The following ACAT2 variants were observed in gnomAD, a reference collection of about 807,000 sequenced individuals.
The protein encoded by ACAT2 is acetyl-CoA acetyltransferase 2.
Under a neutral mutation model 37.1 loss-of-function variants are expected in ACAT2, and 26 were observed. That is an observed-to-expected ratio of 0.70 (90% CI 0.51 to 0.97). The LOEUF is 0.97. Ranked by LOEUF, ACAT2 falls within the 50% of genes least tolerant of loss-of-function variation. The pLI is 0.00. For synonymous variants in ACAT2, 156 were observed against 163.6 expected (o/e 0.95, Z 0.35); for missense variants, 468 against 489.0 (o/e 0.96, Z 0.40).
rs146650797 is a variant in ACAT2, at chr6:159,772,846, G to A, written c.491-2324G>A. Among the ~76,000 whole-genome samples the A allele has an allele frequency of 3.7e-4, 56 of 151,986 alleles. 1 individual carries two copies. The highest frequency in any genetic ancestry group is 1.3e-3 in the African/African-American group (55 of 41,452). ...AAAAGAAAGAAAAACAGCTTGATAA[G>A]TAAAGACAAGACATAGAAAGCAAAG... On this transcript the variant is annotated intron_variant, in intron 4 of 8. Coordinates refer to ENST00000367048, the MANE Select transcript of ACAT2 (RefSeq NM_005891.3).
intron 5 of ACAT2, chr6:159,775,534 C>T (rs565169497): frequency 6.4e-5 from 32 of 497,236 alleles, no homozygotes; most frequent in Admixed American, 2.8e-4. Flanking sequence ...GGTTCCAGAG[C>T]GTCCATGACC....
chr6:159,774,697 T>C (rs1460128975), intron 4 of ACAT2, among the ~76,000 whole-genome samples: 1 of 152,208 alleles, frequency 6.6e-6, no homozygotes, highest in Non-Finnish European at 1.5e-5. Flanking sequence ...CACCTCGGCC[T>C]CCCAAAATGC....
Position 159,778,457 on chromosome 6 carries a change from GCTTA to G in ACAT2, c.1023+181_1023+184del, listed in dbSNP as rs1780482471. ...AAAAAAAAAAAAAAAAAAGACATTG[GCTTA>G]CTTGGCATAAAAGGAACGAGGTAAG... On this transcript the variant is annotated intron_variant, in intron 8 of 8. Coordinates refer to ENST00000367048, the MANE Select transcript of ACAT2 (RefSeq NM_005891.3). The G allele has an allele frequency of 4.2e-5, 29 of 685,170 alleles. No individual in the cohort carries two copies. The South Asian group carries it at 6.7e-4, about 16-fold the overall frequency. 42.4% of individuals were successfully genotyped at this position (685,170 alleles called of 1,614,324 possible). A position where few individuals can be genotyped will look rare whatever the true frequency, so the allele number is the denominator to read the frequency against.
rs1162214335 is a variant in ACAT2, at chr6:159,778,424, TAAAAAAAAAA to T, written c.1023+160_1023+169del. ...ACTGAGTTCATTACTTCCCAAGGTT[TAAAAAAAAAA>T]AAAAAAAAAAAAAAAGACATTGGCT... On this transcript the variant is annotated intron_variant, in intron 8 of 8. Coordinates refer to ENST00000367048, the MANE Select transcript of ACAT2 (RefSeq NM_005891.3). The T allele has an allele frequency of 1.2e-4, 11 of 91,382 alleles. No homozygotes were observed. The South Asian group carries it at 2.2e-3, about 19-fold the overall frequency. 5.7% of individuals were successfully genotyped at this position (91,382 alleles called of 1,614,324 possible). A position where few individuals can be genotyped will look rare whatever the true frequency, so the allele number is the denominator to read the frequency against.
chr6:159,762,490 C>T (rs1780163674), intron 1 of ACAT2: 6 of 1,304,600 alleles, frequency 4.6e-6, no homozygotes, highest in African/African-American at 1.5e-5. Flanking sequence ...GTAATGCCTG[C>T]GGCAGGGGCG....
rs904800602 is a variant in ACAT2 at position 159,775,422 on chromosome 6, A to G, written c.634+109A>G. Reference sequence around the variant, plus strand: ...AAATTATATCTTAGTTATGTTTTTCAGGTTGCAAATATATGTCCTGGATAC... The same window carrying G: ...AAATTATATCTTAGTTATGTTTTTCGGGTTGCAAATATATGTCCTGGATAC... On this transcript the variant is annotated intron_variant, in intron 5 of 8. Coordinates refer to ENST00000367048, the MANE Select transcript of ACAT2 (RefSeq NM_005891.3). 13 of 1,351,610 alleles carry G rather than the reference A, an allele frequency of 9.6e-6. No homozygotes were observed. In the African/African-American group the frequency reaches 1.6e-4, roughly 17 times the overall value. 83.7% of individuals were successfully genotyped at this position (1,351,610 alleles called of 1,614,324 possible). A position where few individuals can be genotyped will look rare whatever the true frequency, so the allele number is the denominator to read the frequency against.
intron 4 of ACAT2, among the ~76,000 whole-genome samples, chr6:159,771,836 G>A (rs2114981276): frequency 6.6e-6 from 1 of 152,136 alleles, no homozygotes; most frequent in South Asian, 2.1e-4. Flanking sequence ...TCTAGCCTGG[G>A]CAATGCTATC....
intron 4 of ACAT2, among the ~76,000 whole-genome samples, chr6:159,770,851 G>A (rs1318048676): frequency 6.6e-6 from 1 of 152,138 alleles, no homozygotes; most frequent in Non-Finnish European, 1.5e-5. Flanking sequence ...GATCATCTGA[G>A]GTCAGGAGTT....
chr6:159,764,587 G>A (rs181978856), intron 2 of ACAT2, among the ~76,000 whole-genome samples: 20 of 152,248 alleles, frequency 1.3e-4, no homozygotes, highest in Admixed American at 7.8e-4. Context: ...TGGGATTACA[G>A]GAGCAGGCCA....
At chr6:159,775,363 A>G in intron 5 of ACAT2, 50 bp downstream of exon 5, 1 of 1,579,998 alleles carries the variant, frequency 6.3e-7, no homozygotes, top group South Asian at 1.1e-5. Context: ...AGGTAAGAGT[A>G]ACATCTAAAA....
Position 159,778,996 on chromosome 6 carries a change from G to A in ACAT2, c.*167G>A. 6.3e-7 allele frequency: 1 copy of A among 1,588,180 alleles called. No homozygotes were observed. The highest frequency in any genetic ancestry group is 8.6e-7 in the Non-Finnish European group (1 of 1,161,620). On this transcript the variant is annotated 3_prime_UTR_variant, in exon 9 of 9. Transcript: ENST00000367048. Reference sequence around the variant, plus strand: ...TTTAATGTGTAATACTCAACTCAAGGTACAAGACAATTGCATTTAACATTG... The same window carrying A: ...TTTAATGTGTAATACTCAACTCAAGATACAAGACAATTGCATTTAACATTG...
intron 2 of ACAT2, among the ~76,000 whole-genome samples, chr6:159,765,690 C>T (rs1029280006): frequency 1.3e-5 from 2 of 152,058 alleles, no homozygotes; most frequent in African/African-American, 2.4e-5. Context: ...CCTCCCCCGG[C>T]CTCCCAAAGT....
At chr6:159,766,954 AT>A (rs2114977803) in intron 2 of ACAT2, 50 bp from the exon 3 acceptor site, 1 of 1,605,372 alleles carries the variant, frequency 6.2e-7, no homozygotes, top group East Asian at 2.2e-5. Flanking sequence ...TCACTGTGAC[AT>A]TTTGTCTTTC....
At chr6:159,777,240 G>A in intron 6 of ACAT2, 62 bp from the exon 7 acceptor site, 1 of 1,545,062 alleles carries the variant, frequency 6.5e-7, no homozygotes, top group South Asian at 1.2e-5. Context: ...TGGTAAAGAA[G>A]CCACAGATAT....
chr6:159,778,692 C>T lies in ACAT2; in HGVS notation c.1057C>T (p.His353Tyr). Reference sequence around the variant, plus strand: ...TGAAGGAGGGGCTATAGCCTTGGGCCACCCTCTTGGAGCATCTGGCTGTCG... The same window carrying T: ...TGAAGGAGGGGCTATAGCCTTGGGCTACCCTCTTGGAGCATCTGGCTGTCG... ...NIEGGAIALG[H>Y]PLGASGCRIL... The change falls in exon 9 of 9, where the codon CAC becomes TAC. Residue 353 changes from histidine to tyrosine, a missense_variant. His to Tyr is a moderately conservative substitution (Grantham distance 83, BLOSUM62 2). Transcript: ENST00000367048. 2 of 1,614,206 alleles carry T rather than the reference C, an allele frequency of 1.2e-6. No individual in the cohort carries two copies. Among genetic ancestry groups the T allele is most frequent in the Non-Finnish European group, 1.7e-6 (2 of 1,180,038 alleles).
chr6:159,774,127 T>C lies in ACAT2; in HGVS notation c.491-1043T>C, dbSNP rs75136926. On this transcript the variant is annotated intron_variant, in intron 4 of 8. Coordinates refer to ENST00000367048, the MANE Select transcript of ACAT2 (RefSeq NM_005891.3). ...TCATTTGTGTCCTAATAAGACTCACTGAGAAAAATCATACTATCATTCAGT... is the reference window on the plus strand; with the variant it reads ...TCATTTGTGTCCTAATAAGACTCACCGAGAAAAATCATACTATCATTCAGT... 5.2e-3 allele frequency among the ~76,000 whole-genome samples: 799 copies of C among 152,340 alleles called. 5 individuals carry two copies. The highest frequency in any genetic ancestry group is 0.018 in the African/African-American group (756 of 41,576).
intron 4 of ACAT2, among the ~76,000 whole-genome samples, chr6:159,771,375 C>T (rs534254433): frequency 2.0e-5 from 3 of 152,030 alleles, no homozygotes; most frequent in South Asian, 4.2e-4. Context: ...AATGAAACTC[C>T]GTCTCAAAAA....
intron 2 of ACAT2, among the ~76,000 whole-genome samples, chr6:159,765,440 T>C (rs143033808): frequency 0.015 from 2,286 of 150,046 alleles, 57 homozygotes; most frequent in African/African-American, 0.053. Flanking sequence ...TTCTTTTTCT[T>C]TTTTTTGAGA....
Position 159,762,139 on chromosome 6 carries a change from A to G in ACAT2, c.52A>G (p.Ile18Val), listed in dbSNP as rs1159348058. ...VVIVSAARTI[I>V]GSFNGALAAV... ...CATCGTCTCGGCGGCGCGGACCATC[A>G]TAGGTGAGTGGCCGGCGGGAGCCGC... The change falls in exon 1 of 9, where the codon ATA becomes GTA. Residue 18 changes from isoleucine to valine, a missense_variant. Coordinates refer to ENST00000367048, the MANE Select transcript of ACAT2 (RefSeq NM_005891.3). The G allele has an allele frequency of 6.2e-7, 1 of 1,611,648 alleles. No homozygotes were observed. The highest frequency in any genetic ancestry group is 1.3e-5 in the African/African-American group (1 of 74,854).
Sources: allele counts gnomAD v4.1 joint callset (sites outside exome capture counted in the v4.1 genomes callset), GRCh38; gene constraint gnomAD v4.1.1; transcripts MANE v1.5; gene names NCBI Gene and HGNC (gene_info 2026-07-23, HGNC 2026-07-21).